Variants in NOS1 observed in about 807,000 individuals in gnomAD.
NOS1 encodes nitric oxide synthase 1.
NOS1 carries 51 observed loss-of-function variants against 164.5 expected under a neutral mutation model. The observed-to-expected ratio is 0.31, with a 90% CI of 0.25 to 0.39. The LOEUF (loss-of-function observed/expected upper bound fraction) is 0.39, where lower values mean the gene tolerates loss of function less well. NOS1 is among the 10% of genes least tolerant of loss of function. The pLI is 1.00. For synonymous variants in NOS1, 719 were observed against 745.8 expected, an observed-to-expected ratio of 0.96 and a Z score of 0.59; for missense variants, 1,362 against 1,885.6, an observed-to-expected ratio of 0.72 and a Z score of 5.14.
At chr12:117,310,916 A>G (rs1193908747) in intron 3 of NOS1, among the ~76,000 whole-genome samples, 1 of 151,994 alleles carries the variant, frequency 6.6e-6, no homozygotes, top group African/African-American at 2.4e-5. Context: ...CCCAGGCTGG[A>G]GTGCAGTGGT....
At chr12:117,230,833 C>A (rs1170982746) in intron 22 of NOS1, among the ~76,000 whole-genome samples, 2 of 152,164 alleles carry the variant, frequency 1.3e-5, no homozygotes, top group Non-Finnish European at 2.9e-5. Flanking sequence ...TGGAGGACAT[C>A]ATGTTAAGTG....
rs1413040830 is a variant in NOS1 at position 117,212,830 on chromosome 12, G to C, written c.*2479C>G. The C allele has an allele frequency of 1.0e-6, 1 of 985,286 alleles. No individual in the cohort carries two copies. The highest frequency in any genetic ancestry group is 1.2e-6 in the Non-Finnish European group (1 of 829,944). 61.0% of individuals were successfully genotyped at this position (985,286 alleles called of 1,614,324 possible). A position where few individuals can be genotyped will look rare whatever the true frequency, so the allele number is the denominator to read the frequency against. On this transcript the variant is annotated 3_prime_UTR_variant, in exon 29 of 29. Transcript: ENST00000317775. ...CAATCTGGACTCCACTCTGGTCCTT[G>C]AGAGGTTACTCAACAGAGAGAGAGG...
In NOS1 at chr12:117,243,682, A is replaced by C. The variant is rs570743886; in HGVS notation, c.2824-247T>G. Among the ~76,000 whole-genome samples, 3 of 149,190 alleles carry C rather than the reference A, an allele frequency of 2.0e-5. No homozygotes were observed. Among genetic ancestry groups the C allele is most frequent in the Non-Finnish European group, 3.0e-5 (2 of 67,446 alleles). ...CTTCCATCCATTCACCCATCCACTC[A>C]TCTACTCTTCCATTCATCTACCCTT... On this transcript the variant is annotated intron_variant, in intron 18 of 28. Transcript: ENST00000317775. The surrounding 1 kb of genome is among the most constrained non-coding windows in gnomAD (Gnocchi z 4.3).
intron 22 of NOS1, among the ~76,000 whole-genome samples, chr12:117,228,505 G>C (rs1868901112): frequency 6.6e-6 from 1 of 152,172 alleles, no homozygotes; most frequent in Non-Finnish European, 1.5e-5. Flanking sequence ...ATGATGGTGA[G>C]TGACAGCCCC....
chr12:117,357,148 C>T (rs1045084527), intron 1 of NOS1, among the ~76,000 whole-genome samples: 13 of 152,150 alleles, frequency 8.5e-5, no homozygotes, highest in Non-Finnish European at 1.9e-4. Context: ...CATGACAAAA[C>T]CCCGTCTCTA....
Position 117,286,283 on chromosome 12 carries a change from G to A in NOS1, c.1128-17C>T. The A allele has an allele frequency of 6.2e-7, 1 of 1,613,494 alleles. No individual in the cohort carries two copies. Among genetic ancestry groups the A allele is most frequent in the Non-Finnish European group, 8.5e-7 (1 of 1,179,514 alleles). ...GAGCCAAATCTGAGTGAAGAGGAAG[G>A]GACATGGGAACATCACCCCCTCTTC... On this transcript the variant is annotated splice_polypyrimidine_tract_variant and intron_variant, in intron 5 of 28. Transcript: ENST00000317775.
At position 117,331,403 on chromosome 12, in the gene NOS1, G is replaced by T. The variant is rs574199154; in HGVS notation, c.-334C>A. 1 of 323,540 alleles carries T rather than the reference G, an allele frequency of 3.1e-6. No homozygotes were observed. Among genetic ancestry groups the T allele is most frequent in the Non-Finnish European group, 5.8e-6 (1 of 172,448 alleles). The allele number at this position is 323,540 out of a possible 1,614,324, so 20.0% of individuals were successfully genotyped here. A position where few individuals can be genotyped will look rare whatever the true frequency, so the allele number is the denominator to read the frequency against. ...GAGATGCGTCTGATGGCTGTGTCTA[G>T]AAGTGACGCATGATAGATGTGAACT... On this transcript the variant is annotated 5_prime_UTR_variant, in exon 2 of 29. Transcript: ENST00000317775.
intron 3 of NOS1, among the ~76,000 whole-genome samples, chr12:117,306,696 T>C (rs1593009852): frequency 6.6e-6 from 1 of 151,882 alleles, no homozygotes; most frequent in Non-Finnish European, 1.5e-5. Flanking sequence ...CTGAGCTCAC[T>C]GCAACCTCCA....
At chr12:117,224,971 C>A (rs1246217893) in intron 25 of NOS1, 45 bp downstream of exon 25, 1 of 1,613,002 alleles carries the variant, frequency 6.2e-7, no homozygotes. Flanking sequence ...TGGACCTCCC[C>A]AGGTCCGGGG....
chr12:117,262,650 T>C (rs1397653476), intron 13 of NOS1, among the ~76,000 whole-genome samples: 1 of 152,072 alleles, frequency 6.6e-6, no homozygotes, highest in Non-Finnish European at 1.5e-5. Context: ...GTTGTACAAC[T>C]AGTTATCATA....
In NOS1 at chr12:117,330,206, T is replaced by C; in HGVS notation, c.725+139A>G. ...AGTGAAGATCAAGGGGGCCGTCAAGTGGTTATGCAAAAACAGGTATCTGAG... is the reference window on the plus strand; with the variant it reads ...AGTGAAGATCAAGGGGGCCGTCAAGCGGTTATGCAAAAACAGGTATCTGAG... On this transcript the variant is annotated intron_variant, in intron 2 of 28. Coordinates refer to ENST00000317775, the MANE Select transcript of NOS1 (RefSeq NM_000620.5). This position sits in a 1 kb window ranked among gnomAD's most constrained non-coding sequence, Gnocchi z 4.6. The C allele has an allele frequency of 7.5e-7, 1 of 1,338,904 alleles. No individual in the cohort carries two copies. Among genetic ancestry groups the C allele is most frequent in the Non-Finnish European group, 9.8e-7 (1 of 1,024,460 alleles). 82.9% of individuals were successfully genotyped at this position (1,338,904 alleles called of 1,614,324 possible).
At position 117,239,891 on chromosome 12, in the gene NOS1, C is replaced by T. The variant is rs531501330; in HGVS notation, c.3041+2736G>A. The stretch of plus-strand genomic sequence containing the variant: ...CTGATTTTAATTCTACACTCCAGTT[C>T]TAACCTTGTTTGGAATATTCTCTTG... On this transcript the variant is annotated intron_variant, in intron 20 of 28. Transcript: ENST00000317775. 2.0e-5 allele frequency among the ~76,000 whole-genome samples: 3 copies of T among 151,528 alleles called. No homozygotes were observed. The East Asian group carries it at 5.8e-4, about 29-fold the overall frequency.
intron 1 of NOS1, among the ~76,000 whole-genome samples, chr12:117,337,276 C>T (rs1447648739): frequency 2.0e-5 from 3 of 151,914 alleles, no homozygotes; most frequent in Admixed American, 6.6e-5. Context: ...CTACCATGCC[C>T]GGCTAATTTT....
At position 117,331,014 on chromosome 12, in the gene NOS1, C is replaced by G. The variant is rs374891208; in HGVS notation, c.56G>C (p.Arg19Pro). ...GCCCCCAACTTTGCGCTTGAAGAGA[C>G]GAACAGAAATGACATTGGGCTGGAT... is the stretch of plus-strand genomic sequence containing the variant. ...QQIQPNVISV[R>P]LFKRKVGGLG... Residue 19 changes from arginine (R) to proline (P), a missense_variant, in exon 2 of 29, where the codon CGT (arginine) becomes CCT (proline). Around this residue, in one of 4 missense-constraint regions of NOS1, gnomAD observed 362 missense variants for 402.0 expected, o/e 0.90. Coordinates refer to ENST00000317775, the MANE Select transcript of NOS1 (RefSeq NM_000620.5). The G allele has an allele frequency of 1.9e-6, 3 of 1,614,042 alleles. No homozygotes were observed. Among genetic ancestry groups the G allele is most frequent in the African/African-American group, 2.7e-5 (2 of 74,932 alleles).
Position 117,272,496 on chromosome 12 carries a change from G to A in NOS1, c.1728C>T (p.Leu576=), listed in dbSNP as rs865777691. The A allele has an allele frequency of 1.2e-6, 2 of 1,614,032 alleles. No individual in the cohort carries two copies. The highest frequency in any genetic ancestry group is 1.7e-5 in the Admixed American group (1 of 59,988). Residue 576 remains leucine, a synonymous_variant, in exon 10 of 29, where the codon CTC becomes CTT. Transcript: ENST00000317775. The surrounding 1 kb of genome is among the most constrained non-coding windows in gnomAD (Gnocchi z 4.3). Reference sequence around the variant, plus strand: ...TGAACTCCAGGCCGCCAATCTCTAGGAGCATGTTGGACACGGCGGGGAGGC... The same window carrying A: ...TGAACTCCAGGCCGCCAATCTCTAGAAGCATGTTGGACACGGCGGGGAGGC... The part of the protein sequence containing the change: ...WYGLPAVSNM[L]LEIGGLEFSA...
chr12:117,319,535 T>C (rs1463373721), intron 2 of NOS1, among the ~76,000 whole-genome samples: 2 of 152,226 alleles, frequency 1.3e-5, no homozygotes, highest in Non-Finnish European at 2.9e-5. Flanking sequence ...CTGGGCTGTT[T>C]GGATGCTGGA....
chr12:117,237,786 G>T (rs993141410), intron 20 of NOS1, among the ~76,000 whole-genome samples: 3 of 152,162 alleles, frequency 2.0e-5, no homozygotes, highest in African/African-American at 7.2e-5. Context: ...TACATCATGT[G>T]TCAGGCACTG....
Position 117,234,975 on chromosome 12 carries a change from G to A in NOS1, c.3042-217C>T, listed in dbSNP as rs1269961352. Among the ~76,000 whole-genome samples the A allele has an allele frequency of 1.3e-5, 2 of 151,966 alleles. No individual in the cohort carries two copies. The highest frequency in any genetic ancestry group is 2.9e-5 in the Non-Finnish European group (2 of 68,016). On this transcript the variant is annotated intron_variant, in intron 20 of 28. Transcript: ENST00000317775. This position sits in a 1 kb window ranked among gnomAD's most constrained non-coding sequence, Gnocchi z 4.3. ...GCTCTGTCACCCTGGCTGGAGTGCAGTGGTGCGATCACGGCTCACTGCAGC... is the reference window on the plus strand; with the variant it reads ...GCTCTGTCACCCTGGCTGGAGTGCAATGGTGCGATCACGGCTCACTGCAGC...
chr12:117,319,484 A>G (rs1280093705), intron 2 of NOS1, among the ~76,000 whole-genome samples: 1 of 152,202 alleles, frequency 6.6e-6, no homozygotes, highest in Non-Finnish European at 1.5e-5. Context: ...TCTCAAACTC[A>G]TATGTCTGCA....
Sources: allele counts gnomAD v4.1 joint callset (sites outside exome capture counted in the v4.1 genomes callset), GRCh38; gene constraint gnomAD v4.1.1; regional missense constraint gnomAD v4.1.1; non-coding constraint Gnocchi (gnomAD v3.1); transcripts MANE v1.5; gene names NCBI Gene and HGNC (gene_info 2026-07-23, HGNC 2026-07-21).